IL1RAPL1: variants seen among roughly 807,000 people sequenced by gnomAD.
IL1RAPL1 encodes interleukin 1 receptor accessory protein like 1, also known as interleukin-1 receptor accessory protein-like 1.
Under a neutral mutation model 48.4 loss-of-function variants are expected in IL1RAPL1, and 3 were observed. The ratio of observed to expected loss-of-function variants is 0.06; its 90% CI spans 0.03 to 0.16. IL1RAPL1 has a LOEUF of 0.16. Ranked by LOEUF, IL1RAPL1 falls within the 10% of genes least tolerant of loss-of-function variation. The pLI is 1.00. For missense variants in IL1RAPL1, 349 were observed against 530.6 expected, an observed-to-expected ratio of 0.66 and a Z score of 3.36; for synonymous variants, 185 against 187.7, an observed-to-expected ratio of 0.99 and a Z score of 0.12.
intron 6 of IL1RAPL1, among the ~76,000 whole-genome samples, chrX:29,891,381 G>T (rs745361197): frequency 9.0e-6 from 1 of 111,290 alleles, no homozygotes; most frequent in Non-Finnish European, 1.9e-5. Flanking sequence ...TTTCCAAATG[G>T]CCATCAGCAG....
intron 2 of IL1RAPL1, among the ~76,000 whole-genome samples, chrX:28,998,572 T>C (rs1361962423): frequency 4.5e-5 from 5 of 112,324 alleles, no homozygotes; most frequent in African/African-American, 1.3e-4. Context: ...TAAAATGTTA[T>C]TTTGCATTCC....
chrX:29,328,700 A>G (rs1261430437), intron 3 of IL1RAPL1, among the ~76,000 whole-genome samples: 1 of 109,283 alleles, frequency 9.2e-6, no homozygotes, highest in South Asian at 4.0e-4. Flanking sequence ...GAGTTCATAA[A>G]TGAATAATTG....
At chrX:29,534,819 A>C (rs1383123644) in intron 5 of IL1RAPL1, among the ~76,000 whole-genome samples, 1 of 110,028 alleles carries the variant, frequency 9.1e-6, no homozygotes, top group Non-Finnish European at 1.9e-5. Flanking sequence ...ATACAAAAAA[A>C]TTAGCCGGGC....
chrX:29,376,602 G>C (rs1281904985), intron 3 of IL1RAPL1, among the ~76,000 whole-genome samples: 1 of 110,475 alleles, frequency 9.1e-6, no homozygotes, highest in African/African-American at 3.3e-5. Context: ...TGAACTCCTG[G>C]GCTCAAACAA....
chrX:29,358,898 G>A (rs893014895), intron 3 of IL1RAPL1, among the ~76,000 whole-genome samples: 1 of 109,340 alleles, frequency 9.1e-6, no homozygotes, highest in South Asian at 4.0e-4. Context: ...GCACATGCCT[G>A]TAATCCCAGC....
chrX:28,863,943 T>C (rs770723662), intron 2 of IL1RAPL1, among the ~76,000 whole-genome samples: 2 of 112,222 alleles, frequency 1.8e-5, no homozygotes, highest in African/African-American at 6.5e-5. Context: ...TTTTGCATAT[T>C]ATAAATATAA....
chrX:28,980,609 G>A (rs1925306363), intron 2 of IL1RAPL1, among the ~76,000 whole-genome samples: 1 of 111,763 alleles, frequency 8.9e-6, no homozygotes. Flanking sequence ...CTTTTTAAGT[G>A]AAATATTCCA....
At position 29,410,101 on chromosome X, in the gene IL1RAPL1, C is replaced by T. The variant is rs1934123653; in HGVS notation, c.703+10793C>T. On this transcript the variant is annotated intron_variant, in intron 5 of 10. Transcript: ENST00000378993. The stretch of plus-strand genomic sequence containing the variant: ...CCTCCCAAAGTGCTGGGATTACAGG[C>T]GTGAGCCACTGTGCCCGGCCTGTTC... Among the ~76,000 whole-genome samples, 3 of 110,678 alleles carry T rather than the reference C, an allele frequency of 2.7e-5. No homozygotes were observed. The South Asian group carries it at 1.2e-3, about 43-fold the overall frequency.
At chrX:29,566,637 G>A (rs890876993) in intron 5 of IL1RAPL1, among the ~76,000 whole-genome samples, 5 of 111,803 alleles carry the variant, frequency 4.5e-5, no homozygotes, top group East Asian at 5.6e-4. Context: ...ATTTTCTGTC[G>A]AAATATACCT....
chrX:29,678,482 G>A (rs980881406), intron 6 of IL1RAPL1, among the ~76,000 whole-genome samples: 1 of 103,393 alleles, frequency 9.7e-6, no homozygotes, highest in Non-Finnish European at 2.0e-5. Context: ...AGCTTCCCGA[G>A]TAGCTGGGAC....
At chrX:28,980,693 AT>A (rs1043830321) in intron 2 of IL1RAPL1, among the ~76,000 whole-genome samples, 31 of 109,998 alleles carry the variant, frequency 2.8e-4, no homozygotes, top group African/African-American at 9.6e-4. Flanking sequence ...CACCTGGCTA[AT>A]TTTTTTTTAT....
At chrX:28,659,967 TATTCTTA>T (rs1453611767) in intron 1 of IL1RAPL1, among the ~76,000 whole-genome samples, 1 of 110,671 alleles carries the variant, frequency 9.0e-6, no homozygotes, top group Non-Finnish European at 1.9e-5. Context: ...GGAAAACAAA[TATTCTTA>T]CTAGCATTGT....
chrX:29,006,647 A>ATATATGTG (rs1274128284), intron 2 of IL1RAPL1, among the ~76,000 whole-genome samples: 1 of 76,935 alleles, frequency 1.3e-5, no homozygotes, highest in Admixed American at 1.6e-4. Flanking sequence ...GTTTATATAT[A>ATATATGTG]TGTGTGTGTG....
At chrX:29,893,111 T>A (rs1014335702) in intron 6 of IL1RAPL1, among the ~76,000 whole-genome samples, 8 of 111,759 alleles carry the variant, frequency 7.2e-5, no homozygotes, top group African/African-American at 2.6e-4. Context: ...ACATCCACCG[T>A]TTACTGAGCT....
chrX:29,076,798 G>GTCTATCTATCTATCTATCTATCTA (rs369681917), intron 2 of IL1RAPL1, among the ~76,000 whole-genome samples: 51 of 85,290 alleles, frequency 6.0e-4, no homozygotes, highest in Middle Eastern at 6.6e-3. Context: ...CTGTCTGTCT[G>GTCTATCTATCTATCTATCTATCTA]TCTGTCTATC....
chrX:29,596,413 C>T (rs954728587), intron 5 of IL1RAPL1, among the ~76,000 whole-genome samples: 3 of 111,863 alleles, frequency 2.7e-5, no homozygotes, highest in Admixed American at 9.5e-5. Flanking sequence ...CTTTCAGCAG[C>T]GTTTTGTATT....
chrX:29,113,720 A>T (rs1928619824), intron 2 of IL1RAPL1, among the ~76,000 whole-genome samples: 1 of 111,531 alleles, frequency 9.0e-6, no homozygotes, highest in African/African-American at 3.3e-5. Flanking sequence ...TTTTGTATGT[A>T]AATTTTGTAT....
chrX:28,951,421 A>G, intron 2 of IL1RAPL1, among the ~76,000 whole-genome samples: 1 of 109,511 alleles, frequency 9.1e-6, no homozygotes, highest in Admixed American at 9.8e-5. Flanking sequence ...GGTAAAAAAA[A>G]AAAAAAAAAA....
intron 5 of IL1RAPL1, among the ~76,000 whole-genome samples, chrX:29,408,666 A>C (rs966493461): frequency 5.4e-5 from 6 of 111,896 alleles, no homozygotes; most frequent in African/African-American, 1.9e-4. Context: ...TTTAACAGTT[A>C]ATACAGCAGA....
Sources: allele counts gnomAD v4.1 joint callset (sites outside exome capture counted in the v4.1 genomes callset), GRCh38; gene constraint gnomAD v4.1.1; transcripts MANE v1.5; gene names NCBI Gene and HGNC (gene_info 2026-07-23, HGNC 2026-07-21).